ZNF516: variants seen among roughly 807,000 people sequenced by gnomAD.
The protein encoded by ZNF516 is zinc finger protein 516.
ZNF516 carries 19 observed loss-of-function variants against 79.7 expected under a neutral mutation model. The ratio of observed to expected loss-of-function variants is 0.24; its 90% CI spans 0.17 to 0.35. The LOEUF (loss-of-function observed/expected upper bound fraction) is 0.35, where lower values mean the gene tolerates loss of function less well. Ranked by LOEUF, ZNF516 falls within the 10% of genes least tolerant of loss-of-function variation. The pLI is 1.00. For missense variants in ZNF516, 1,678 were observed against 1,679.5 expected (o/e 1.00, Z 0.02); for synonymous variants, 877 against 739.5 (o/e 1.19, Z -3.02).
At chr18:76,464,852 G>C (rs926098618) in intron 1 of ZNF516, among the ~76,000 whole-genome samples, 3 of 152,240 alleles carry the variant, frequency 2.0e-5, no homozygotes, top group African/African-American at 7.2e-5. Context: ...TTGAAGGGTG[G>C]GGGATGTATC....
intron 3 of ZNF516, 114 bp from the exon 4 acceptor site, chr18:76,380,417 G>T: frequency 7.3e-7 from 1 of 1,371,532 alleles, no homozygotes; most frequent in Non-Finnish European, 9.7e-7. Flanking sequence ...AGCGGGAGAA[G>T]CCACCCTTGA....
In ZNF516 at chr18:76,439,406, A is replaced by G. The variant is rs1328895735; in HGVS notation, c.1810+1839T>C. 2.6e-5 allele frequency among the ~76,000 whole-genome samples: 4 copies of G among 152,176 alleles called. No individual in the cohort carries two copies. In the East Asian group the frequency reaches 7.7e-4, roughly 29 times the overall value. ...CCATAAATTTCTGTCCTCTCTCAAT[A>G]AGCTGAAATATCCTATTTATTCTAT... On this transcript the variant is annotated intron_variant, in intron 3 of 6. Coordinates refer to ENST00000443185, the MANE Select transcript of ZNF516 (RefSeq NM_014643.4).
rs561296687 is a variant in ZNF516, at chr18:76,493,096, C to CTTT, written c.-272+2045_-272+2047dup. On this transcript the variant is annotated intron_variant, in intron 1 of 6. Transcript: ENST00000443185. This position sits in a 1 kb window ranked among gnomAD's most constrained non-coding sequence, Gnocchi z 5.2. ...CAGGGAGACTTCGCAAAGCTGTTTCCTTTTTTTTTTTTCCTCCTCTCCTCC... is the reference window on the plus strand; with the variant it reads ...CAGGGAGACTTCGCAAAGCTGTTTCCTTTTTTTTTTTTTTTCCTCCTCTCCTCC... 6.2e-6 allele frequency: 5 copies of CTTT among 804,544 alleles called. No individual in the cohort carries two copies. Among genetic ancestry groups the CTTT allele is most frequent in the Non-Finnish European group, 7.5e-6 (5 of 666,800 alleles). 49.8% of individuals were successfully genotyped at this position (804,544 alleles called of 1,614,324 possible).
intron 3 of ZNF516, among the ~76,000 whole-genome samples, chr18:76,418,422 C>A (rs895434620): frequency 8.5e-5 from 13 of 152,098 alleles, no homozygotes; most frequent in Non-Finnish European, 1.8e-4. Context: ...CGGTAACATG[C>A]TGTCACACAC....
chr18:76,460,701 G>A (rs1442992151), intron 2 of ZNF516, among the ~76,000 whole-genome samples: 1 of 152,184 alleles, frequency 6.6e-6, no homozygotes, highest in Non-Finnish European at 1.5e-5. Flanking sequence ...CAGGGCTAGA[G>A]AGGTTCTGGA....
At chr18:76,407,240 G>C (rs1011629714) in intron 3 of ZNF516, among the ~76,000 whole-genome samples, 2 of 152,054 alleles carry the variant, frequency 1.3e-5, no homozygotes, top group African/African-American at 4.8e-5. Flanking sequence ...GAACAACCTG[G>C]GCAACAGAGA....
intron 1 of ZNF516, among the ~76,000 whole-genome samples, chr18:76,471,396 A>G (rs1913830251): frequency 6.6e-6 from 1 of 152,132 alleles, no homozygotes. Context: ...ACACGGACTG[A>G]TTCCTGGGCC....
intron 3 of ZNF516, among the ~76,000 whole-genome samples, chr18:76,429,031 C>T (rs1460225395): frequency 6.6e-6 from 1 of 152,234 alleles, no homozygotes; most frequent in Non-Finnish European, 1.5e-5. Flanking sequence ...GAGATGCAGG[C>T]TGACCCCGGG....
At chr18:76,439,179 TAG>T (rs2075782279) in intron 3 of ZNF516, among the ~76,000 whole-genome samples, 1 of 152,094 alleles carries the variant, frequency 6.6e-6, no homozygotes, top group Non-Finnish European at 1.5e-5. Flanking sequence ...GTTTTGAGAG[TAG>T]TTAAATCAAT....
intron 1 of ZNF516, among the ~76,000 whole-genome samples, chr18:76,466,235 G>A (rs556422796): frequency 1.3e-5 from 2 of 152,026 alleles, no homozygotes; most frequent in East Asian, 1.9e-4. Flanking sequence ...TCTCACAGAC[G>A]GACTCCATCC....
At chr18:76,423,276 T>C (rs2075532442) in intron 3 of ZNF516, among the ~76,000 whole-genome samples, 2 of 152,242 alleles carry the variant, frequency 1.3e-5, no homozygotes, top group Non-Finnish European at 2.9e-5. Flanking sequence ...GAAGTTCCTG[T>C]GTGGAGAGAA....
intron 1 of ZNF516, among the ~76,000 whole-genome samples, chr18:76,485,380 T>A (rs1483921648): frequency 6.6e-6 from 1 of 152,232 alleles, no homozygotes; most frequent in African/African-American, 2.4e-5. Context: ...ATATAAATGA[T>A]GCATCACCAA....
intron 4 of ZNF516, among the ~76,000 whole-genome samples, chr18:76,374,862 A>C (rs2074761791): frequency 6.6e-6 from 1 of 152,218 alleles, no homozygotes; most frequent in Non-Finnish European, 1.5e-5. Context: ...AGAAGAGAAG[A>C]CCAGAAAGCA....
At chr18:76,437,928 G>A (rs975908464) in intron 3 of ZNF516, among the ~76,000 whole-genome samples, 15 of 152,188 alleles carry the variant, frequency 9.9e-5, no homozygotes, top group South Asian at 2.1e-4. Flanking sequence ...AAAACTTGAG[G>A]GTGTCCCATC....
At chr18:76,412,881 T>G (rs116497086) in intron 3 of ZNF516, among the ~76,000 whole-genome samples, 2,626 of 152,188 alleles carry the variant, frequency 0.017, 72 homozygotes, top group African/African-American at 0.058. Context: ...CCGGGCTGAG[T>G]GTGGCATCCT....
chr18:76,366,561 GCC>G (rs1014657844), intron 6 of ZNF516, among the ~76,000 whole-genome samples: 3 of 152,180 alleles, frequency 2.0e-5, no homozygotes, highest in Non-Finnish European at 2.9e-5. Context: ...AAGAAAACAT[GCC>G]ATCAAACTGA....
intron 3 of ZNF516, among the ~76,000 whole-genome samples, chr18:76,391,357 C>A (rs2075071700): frequency 6.6e-6 from 1 of 152,046 alleles, no homozygotes; most frequent in African/African-American, 2.4e-5. Flanking sequence ...TGATCCCAAT[C>A]CTAACCCCCT....
chr18:76,360,240 C>G lies in ZNF516; in HGVS notation c.*2258G>C, dbSNP rs2074510448. The G allele has an allele frequency of 6.6e-6, 1 of 152,268 alleles. No individual in the cohort carries two copies. Among genetic ancestry groups the G allele is most frequent in the African/African-American group, 2.4e-5 (1 of 41,456 alleles). 9.4% of individuals were successfully genotyped at this position (152,268 alleles called of 1,614,324 possible). A position where few individuals can be genotyped will look rare whatever the true frequency, so the allele number is the denominator to read the frequency against. Reference sequence around the variant, plus strand: ...CCAACTGCACTTTTCCATGCCGCTTCTGAAACAGTAAAAATGTAGACTACA... The same window carrying G: ...CCAACTGCACTTTTCCATGCCGCTTGTGAAACAGTAAAAATGTAGACTACA... On this transcript the variant is annotated 3_prime_UTR_variant, in exon 7 of 7. Coordinates refer to ENST00000443185, the MANE Select transcript of ZNF516 (RefSeq NM_014643.4).
chr18:76,474,583 T>C (rs1050757695), intron 1 of ZNF516, among the ~76,000 whole-genome samples: 1 of 152,202 alleles, frequency 6.6e-6, no homozygotes, highest in Non-Finnish European at 1.5e-5. Context: ...TAAAATTCAA[T>C]TACTTGCTAC....
Sources: allele counts gnomAD v4.1 joint callset (sites outside exome capture counted in the v4.1 genomes callset), GRCh38; gene constraint gnomAD v4.1.1; non-coding constraint Gnocchi (gnomAD v3.1); transcripts MANE v1.5; gene names NCBI Gene and HGNC (gene_info 2026-07-23, HGNC 2026-07-21).